The following NT5E variants were observed in gnomAD, a reference collection of about 807,000 sequenced individuals.
The protein encoded by NT5E is 5'-nucleotidase.
Under a neutral mutation model 55.1 loss-of-function variants are expected in NT5E, and 53 were observed. The observed-to-expected ratio is 0.96, with a 90% CI of 0.77 to 1.21. NT5E has a LOEUF of 1.21. Among genes scored for constraint, NT5E ranks in the 50% most tolerant of loss-of-function variants. The probability of loss-of-function intolerance (pLI) is 0.00; values close to 1 mark genes in which losing one functional copy is unlikely to be tolerated. For synonymous variants in NT5E, 270 were observed against 278.4 expected, an observed-to-expected ratio of 0.97 and a Z score of 0.30; for missense variants, 683 against 724.3, an observed-to-expected ratio of 0.94 and a Z score of 0.65.
rs1318049281 is a variant in NT5E, at chr6:85,450,546, CG to C, written c.339+70del. On this transcript the variant is annotated intron_variant, in intron 1 of 8. Coordinates refer to ENST00000257770, the MANE Select transcript of NT5E (RefSeq NM_002526.4). The surrounding 1 kb of genome is among the most constrained non-coding windows in gnomAD (Gnocchi z 4.0). ...GAGAGGAGCCGGGCTGGAAAAGCAG[CG>C]GATGGCAGAGTGTGGCAAGCCTAGG... 2 of 1,436,426 alleles carry C rather than the reference CG, an allele frequency of 1.4e-6. No homozygotes were observed. Among genetic ancestry groups the C allele is most frequent in the Admixed American group, 3.9e-5 (2 of 50,872 alleles). 89.0% of individuals were successfully genotyped at this position (1,436,426 alleles called of 1,614,324 possible).
intron 2 of NT5E, 83 bp downstream of exon 2, chr6:85,467,365 T>C: frequency 8.7e-7 from 1 of 1,146,516 alleles, no homozygotes; most frequent in South Asian, 1.3e-5. Context: ...GGACTGTAGA[T>C]AAAAGTAGGA....
chr6:85,483,477 A>C (rs1769588898), intron 3 of NT5E, among the ~76,000 whole-genome samples: 1 of 152,242 alleles, frequency 6.6e-6, no homozygotes. Flanking sequence ...CCACTGTCAC[A>C]GACAACATCT....
intron 3 of NT5E, among the ~76,000 whole-genome samples, chr6:85,479,163 C>T (rs1769493512): frequency 6.6e-6 from 1 of 152,076 alleles, no homozygotes; most frequent in Non-Finnish European, 1.5e-5. Context: ...AACTGTAATA[C>T]ATATTTTTGT....
At chr6:85,472,226 G>A (rs765778454) in intron 3 of NT5E, among the ~76,000 whole-genome samples, 2 of 152,194 alleles carry the variant, frequency 1.3e-5, no homozygotes, top group African/African-American at 4.8e-5. Flanking sequence ...AGGCTTTGGC[G>A]TGGGAACAGC....
chr6:85,463,594 A>G (rs1207454116), intron 1 of NT5E, among the ~76,000 whole-genome samples: 1 of 152,230 alleles, frequency 6.6e-6, no homozygotes, highest in Non-Finnish European at 1.5e-5. Flanking sequence ...CTGCTCTGTT[A>G]TGATCCCCTG....
chr6:85,468,147 A>G (rs1345709252), intron 2 of NT5E, among the ~76,000 whole-genome samples: 4 of 152,258 alleles, frequency 2.6e-5, no homozygotes, highest in Admixed American at 2.6e-4. Flanking sequence ...TAAAGGACAT[A>G]TAATTGACAA....
Position 85,489,512 on chromosome 6 carries a change from C to T in NT5E, c.1123C>T (p.His375Tyr). Residue 375 changes from histidine (H) to tyrosine (Y), a missense_variant, in exon 6 of 9, where the codon CAC (histidine) becomes TAC (tyrosine). Physicochemically the swap from His to Tyr is moderately conservative, Grantham distance 83. Coordinates refer to ENST00000257770, the MANE Select transcript of NT5E (RefSeq NM_002526.4). Reference sequence around the variant, plus strand: ...GTTGCAGATTAACAACAACCTGAGACACACGGATGAAATGTTCTGGAACCA... The same window carrying T: ...GTTGCAGATTAACAACAACCTGAGATACACGGATGAAATGTTCTGGAACCA... The part of the protein sequence containing the change: ...CDAMINNNLR[H>Y]TDEMFWNHVS... 2.5e-6 allele frequency: 4 copies of T among 1,613,250 alleles called. No individual in the cohort carries two copies. The highest frequency in any genetic ancestry group is 2.5e-6 in the Non-Finnish European group (3 of 1,179,318).
Position 85,495,354 on chromosome 6 carries a change from C to CAT in NT5E, c.*1352_*1353dup, listed in dbSNP as rs1427241379. Reference sequence around the variant, plus strand: ...AACCACATGAGCCTGCTCAGCTCTGCATAAGTAATTCAAGAAATGGGAGGC... The same window carrying CAT: ...AACCACATGAGCCTGCTCAGCTCTGCATATAAGTAATTCAAGAAATGGGAGGC... On this transcript the variant is annotated 3_prime_UTR_variant, in exon 9 of 9. Coordinates refer to ENST00000257770, the MANE Select transcript of NT5E (RefSeq NM_002526.4). 2.6e-5 allele frequency: 4 copies of CAT among 152,188 alleles called. No individual in the cohort carries two copies. The East Asian group carries it at 7.7e-4, about 29-fold the overall frequency. The allele number at this position is 152,188 out of a possible 1,614,324, so 9.4% of individuals were successfully genotyped here. A position where few individuals can be genotyped will look rare whatever the true frequency, so the allele number is the denominator to read the frequency against.
intron 8 of NT5E, 107 bp from the exon 9 acceptor site, chr6:85,493,734 T>G (rs1769834470): frequency 2.2e-6 from 2 of 898,932 alleles, no homozygotes; most frequent in Admixed American, 4.2e-5. Context: ...TGTGACACTT[T>G]ACCCCTGCTT....
chr6:85,476,899 G>C (rs958270377), intron 3 of NT5E, among the ~76,000 whole-genome samples: 1 of 151,810 alleles, frequency 6.6e-6, no homozygotes, highest in Admixed American at 6.5e-5. Flanking sequence ...GGGACAGGAT[G>C]GGGGGCAGGG....
At chr6:85,487,623 G>A (rs1769696147) in intron 5 of NT5E, 134 bp downstream of exon 5, 1 of 1,223,334 alleles carries the variant, frequency 8.2e-7, no homozygotes, top group South Asian at 1.2e-5. Flanking sequence ...CCAGGGTGGT[G>A]GCATGTGCCT....
At chr6:85,482,659 C>T (rs886149866) in intron 3 of NT5E, among the ~76,000 whole-genome samples, 1 of 152,224 alleles carries the variant, frequency 6.6e-6, no homozygotes, top group Non-Finnish European at 1.5e-5. Flanking sequence ...TGGATGAATT[C>T]TCGGCTAGAT....
intron 3 of NT5E, among the ~76,000 whole-genome samples, chr6:85,476,947 A>G (rs896044263): frequency 6.6e-6 from 1 of 152,178 alleles, no homozygotes; most frequent in Admixed American, 6.5e-5. Flanking sequence ...ACATTCAGGC[A>G]GCAAAATGGG....
chr6:85,489,447 GGAA>G, intron 5 of NT5E, 44 bp from the exon 6 acceptor site: 2 of 1,222,694 alleles, frequency 1.6e-6, no homozygotes, highest in Non-Finnish European at 2.2e-6. Context: ...CTGATCCTAA[GGAA>G]GAAGAGCCAG....
Position 85,450,192 on chromosome 6 carries a change from C to T in NT5E, c.53C>T (p.Ala18Val). The change falls in exon 1 of 9, where the codon GCG becomes GTG. Residue 18 changes from alanine (A) to valine (V), a missense_variant. Transcript: ENST00000257770. This position sits in a 1 kb window ranked among gnomAD's most constrained non-coding sequence, Gnocchi z 4.0. Reference protein sequence around the residue: ...APATLLLALGAVLWPAAGAWE... With the variant: ...APATLLLALGVVLWPAAGAWE... ...GCGACGCTACTCCTCGCCCTGGGCG[C>T]GGTGCTGTGGCCTGCGGCTGGCGCC... 2 of 1,608,530 alleles carry T rather than the reference C, an allele frequency of 1.2e-6. No homozygotes were observed. The highest frequency in any genetic ancestry group is 2.2e-5 in the South Asian group (2 of 90,208).
intron 5 of NT5E, 151 bp downstream of exon 5, chr6:85,487,640 CCAGCTACT>C (rs1769696727): frequency 8.5e-6 from 9 of 1,063,212 alleles, no homozygotes; most frequent in Non-Finnish European, 1.1e-5. Flanking sequence ...GCCTATAGTC[CCAGCTACT>C]CGGGAGGCTT....
At chr6:85,488,955 T>C (rs1033116841) in intron 5 of NT5E, among the ~76,000 whole-genome samples, 3 of 149,114 alleles carry the variant, frequency 2.0e-5, no homozygotes, top group African/African-American at 7.4e-5. Flanking sequence ...TAACTAAACA[T>C]ATATTTTGTA....
intron 6 of NT5E, 73 bp downstream of exon 6, chr6:85,489,672 C>T: frequency 9.5e-7 from 1 of 1,048,606 alleles, no homozygotes; most frequent in Non-Finnish European, 1.5e-6. Flanking sequence ...TGGTTCTTGC[C>T]CTGAACACAC....
At chr6:85,469,558 T>A (rs1246861065) in intron 2 of NT5E, among the ~76,000 whole-genome samples, 1 of 152,172 alleles carries the variant, frequency 6.6e-6, no homozygotes, top group East Asian at 1.9e-4. Flanking sequence ...GGGGAAGGTA[T>A]ACCTTGTTGT....
Sources: gnomAD v4.1 joint callset for allele counts (sites outside exome capture counted in the v4.1 genomes callset) on GRCh38, gnomAD v4.1.1 for gene constraint, Gnocchi (gnomAD v3.1) non-coding constraint, MANE v1.5 for transcripts, NCBI Gene and HGNC (gene_info 2026-07-23, HGNC 2026-07-21) for gene names.